Variants in ST18 observed in about 807,000 individuals in gnomAD.
ST18 encodes the protein ST18 C2H2C-type zinc finger transcription factor.
A neutral mutation model predicts 110.0 loss-of-function variants in ST18; 50 were observed. The ratio of observed to expected loss-of-function variants is 0.45; its 90% CI spans 0.36 to 0.58. The LOEUF is 0.58. ST18 is among the 20% of genes least tolerant of loss of function. ST18 has a pLI of 0.00. For missense variants in ST18, 1,306 were observed against 1,280.1 expected, an observed-to-expected ratio of 1.02 and a Z score of -0.31; for synonymous variants, 461 against 452.4, an observed-to-expected ratio of 1.02 and a Z score of -0.24.
intron 2 of ST18, among the ~76,000 whole-genome samples, chr8:52,336,720 G>A (rs774640968): frequency 5.3e-5 from 8 of 152,194 alleles, no homozygotes; most frequent in Non-Finnish European, 1.0e-4. Context: ...AGTGATACAT[G>A]CATATTTATT....
At chr8:52,115,909 G>A (rs1022365964) in intron 25 of ST18, among the ~76,000 whole-genome samples, 6 of 152,100 alleles carry the variant, frequency 3.9e-5, no homozygotes, top group South Asian at 2.1e-4. Flanking sequence ...TGATTTGGGC[G>A]GATGATGCAA....
chr8:52,334,867 C>T (rs1050888913), intron 2 of ST18, among the ~76,000 whole-genome samples: 4 of 152,196 alleles, frequency 2.6e-5, no homozygotes, highest in East Asian at 1.9e-4. Context: ...TGCCCATTCC[C>T]GCATGCCGAC....
intron 22 of ST18, among the ~76,000 whole-genome samples, chr8:52,131,142 G>C (rs1303791420): frequency 6.6e-6 from 1 of 152,110 alleles, no homozygotes; most frequent in Non-Finnish European, 1.5e-5. Flanking sequence ...TTAGAACTGA[G>C]CAAAATCTCA....
intron 8 of ST18, among the ~76,000 whole-genome samples, chr8:52,196,625 G>T (rs528179147): frequency 2.6e-5 from 4 of 152,192 alleles, no homozygotes; most frequent in African/African-American, 9.6e-5. Flanking sequence ...TTATTGCAGC[G>T]TATTTTTATA....
At chr8:52,219,641 G>GA (rs969299945) in intron 5 of ST18, among the ~76,000 whole-genome samples, 1 of 152,014 alleles carries the variant, frequency 6.6e-6, no homozygotes, top group African/African-American at 2.4e-5. Context: ...AAACTCAAAG[G>GA]AAAAAATAGA....
intron 2 of ST18, among the ~76,000 whole-genome samples, chr8:52,301,154 A>T (rs1315813778): frequency 6.6e-6 from 1 of 152,226 alleles, no homozygotes; most frequent in Non-Finnish European, 1.5e-5. Flanking sequence ...CAAAATGGCC[A>T]TATATGTTAA....
chr8:52,287,196 A>G (rs949274166), intron 2 of ST18, among the ~76,000 whole-genome samples: 1 of 152,212 alleles, frequency 6.6e-6, no homozygotes, highest in Non-Finnish European at 1.5e-5. Context: ...AAGAAATTCA[A>G]AAATGATGGT....
chr8:52,324,164 C>T (rs1388456250), intron 2 of ST18, among the ~76,000 whole-genome samples: 2 of 152,162 alleles, frequency 1.3e-5, no homozygotes, highest in African/African-American at 2.4e-5. Flanking sequence ...TGAGCTGGTT[C>T]CTCTCATGAA....
chr8:52,316,338 C>T (rs1259260602), intron 2 of ST18, among the ~76,000 whole-genome samples: 1 of 152,170 alleles, frequency 6.6e-6, no homozygotes, highest in African/African-American at 2.4e-5. Context: ...CATCAAAATG[C>T]CACCCAGCAC....
chr8:52,376,288 C>T (rs1336957991), intron 2 of ST18, among the ~76,000 whole-genome samples: 1 of 152,124 alleles, frequency 6.6e-6, no homozygotes, highest in Non-Finnish European at 1.5e-5. Context: ...CTTTCCACTC[C>T]ACCTACACAC....
chr8:52,362,500 G>T (rs1223131483), intron 2 of ST18, among the ~76,000 whole-genome samples: 1 of 152,154 alleles, frequency 6.6e-6, no homozygotes, highest in Non-Finnish European at 1.5e-5. Context: ...AGATTAAACA[G>T]TCATAGTACA....
At chr8:52,221,101 AT>A (rs2086521661) in intron 4 of ST18, among the ~76,000 whole-genome samples, 2 of 150,470 alleles carry the variant, frequency 1.3e-5, no homozygotes, top group East Asian at 2.0e-4. Context: ...CTATCTATCT[AT>A]CTATCTATCT....
At chr8:52,319,923 G>A (rs569497543) in intron 2 of ST18, among the ~76,000 whole-genome samples, 2 of 152,242 alleles carry the variant, frequency 1.3e-5, no homozygotes, top group Admixed American at 6.5e-5. Context: ...CAAGACGAAC[G>A]GGTGGAAGCT....
intron 3 of ST18, among the ~76,000 whole-genome samples, chr8:52,229,489 C>T (rs561019170): frequency 5.3e-5 from 8 of 152,246 alleles, no homozygotes; most frequent in East Asian, 1.9e-4. Flanking sequence ...ACTCCTTTTT[C>T]GGTGAATGGC....
At chr8:52,253,274 A>T (rs534101253) in intron 2 of ST18, among the ~76,000 whole-genome samples, 1 of 152,274 alleles carries the variant, frequency 6.6e-6, no homozygotes, top group African/African-American at 2.4e-5. Context: ...AAGGAATATG[A>T]GGCAAAGTAT....
At chr8:52,241,055 CT>C (rs2093356772) in intron 2 of ST18, among the ~76,000 whole-genome samples, 1 of 152,238 alleles carries the variant, frequency 6.6e-6, no homozygotes, top group Non-Finnish European at 1.5e-5. Flanking sequence ...AACCATTCAT[CT>C]GGTAATCCAA....
At chr8:52,372,122 G>T (rs1830480339) in intron 2 of ST18, among the ~76,000 whole-genome samples, 1 of 152,164 alleles carries the variant, frequency 6.6e-6, no homozygotes, top group Admixed American at 6.5e-5. Context: ...ACAAGATGTG[G>T]AGGTGGAAGA....
At chr8:52,343,610 C>G (rs974914549) in intron 2 of ST18, among the ~76,000 whole-genome samples, 1 of 152,140 alleles carries the variant, frequency 6.6e-6, no homozygotes, top group Admixed American at 6.5e-5. Context: ...GCAGCTATGA[C>G]CTTTCACACA....
chr8:52,367,880 G>C (rs767665823), intron 2 of ST18, among the ~76,000 whole-genome samples: 4 of 152,154 alleles, frequency 2.6e-5, no homozygotes, highest in Non-Finnish European at 4.4e-5. Context: ...GCAAATGACT[G>C]CCTTGTTTTC....
Sources: allele counts gnomAD v4.1 joint callset (sites outside exome capture counted in the v4.1 genomes callset), GRCh38; gene constraint gnomAD v4.1.1; transcripts MANE v1.5; gene names NCBI Gene and HGNC (gene_info 2026-07-23, HGNC 2026-07-21).